The following ACBD7 variants were observed in gnomAD, a reference collection of about 807,000 sequenced individuals.
ACBD7 encodes acyl-CoA-binding domain-containing protein 7.
A neutral mutation model predicts 13.7 loss-of-function variants in ACBD7; 11 were observed. The ratio of observed to expected loss-of-function variants is 0.80; its 90% CI spans 0.50 to 1.33. The LOEUF (loss-of-function observed/expected upper bound fraction) is 1.33, where lower values mean the gene tolerates loss of function less well. Among genes scored for constraint, ACBD7 ranks in the 40% most tolerant of loss-of-function variants. The probability of loss-of-function intolerance (pLI) is 0.00; values close to 1 mark genes in which losing one functional copy is unlikely to be tolerated. For synonymous variants in ACBD7, 43 were observed against 37.7 expected (o/e 1.14, Z -0.51); for missense variants, 111 against 103.0 (o/e 1.08, Z -0.33).
At chr10:15,082,117 T>A (rs1263616054) in intron 1 of ACBD7, among the ~76,000 whole-genome samples, 1 of 151,806 alleles carries the variant, frequency 6.6e-6, no homozygotes, top group Non-Finnish European at 1.5e-5. Context: ...GAGAAACCCG[T>A]CTCTACTGAA....
At chr10:15,088,475 C>T (rs1844834689) in intron 1 of ACBD7, 2 of 565,714 alleles carry the variant, frequency 3.5e-6, no homozygotes, top group Non-Finnish European at 3.0e-6. Flanking sequence ...GCGCTCCTGC[C>T]TTGCCTGCTT....
chr10:15,079,417 G>A (rs903638535), intron 1 of ACBD7, among the ~76,000 whole-genome samples: 2 of 151,742 alleles, frequency 1.3e-5, no homozygotes, highest in Non-Finnish European at 2.9e-5. Flanking sequence ...TGGGACTACA[G>A]GGGTGCACCA....
rs1407381679 is a variant in ACBD7 at position 15,076,754 on chromosome 10, C to T, written c.*1776G>A. The T allele has an allele frequency of 6.2e-6, 6 of 974,342 alleles. No individual in the cohort carries two copies. Among genetic ancestry groups the T allele is most frequent in the South Asian group, 4.7e-5 (1 of 21,060 alleles). The allele number at this position is 974,342 out of a possible 1,614,324, so 60.4% of individuals were successfully genotyped here. On this transcript the variant is annotated 3_prime_UTR_variant, in exon 4 of 4. Coordinates refer to ENST00000356189, the MANE Select transcript of ACBD7 (RefSeq NM_001039844.3). ...TCTGACCTCAGTAATCCACCTACCT[C>T]GGCCTCCCAAAGTGCTGAGATTAGA...
chr10:15,078,450 A>T lies in ACBD7; in HGVS notation c.*80T>A. On this transcript the variant is annotated 3_prime_UTR_variant, in exon 4 of 4. Coordinates refer to ENST00000356189, the MANE Select transcript of ACBD7 (RefSeq NM_001039844.3). ...AATATACATGATACATCAAGTTAAC[A>T]GTATGCCTCTCCCTCTAAATGTTAG... The T allele has an allele frequency of 6.2e-7, 1 of 1,606,544 alleles. No individual in the cohort carries two copies. Among genetic ancestry groups the T allele is most frequent in the Non-Finnish European group, 8.5e-7 (1 of 1,177,000 alleles).
Position 15,076,250 on chromosome 10 carries a change from T to A in ACBD7, c.*2280A>T, listed in dbSNP as rs1844680261. 2.0e-6 allele frequency: 2 copies of A among 985,346 alleles called. No homozygotes were observed. Among genetic ancestry groups the A allele is most frequent in the Non-Finnish European group, 2.4e-6 (2 of 829,924 alleles). 61.0% of individuals were successfully genotyped at this position (985,346 alleles called of 1,614,324 possible). On this transcript the variant is annotated 3_prime_UTR_variant, in exon 4 of 4. Transcript: ENST00000356189. Reference sequence around the variant, plus strand: ...CAAACAATTTTTTGAATTGTTAACATGAGACTGTCTTCTTTCAAAGAGCCT... The same window carrying A: ...CAAACAATTTTTTGAATTGTTAACAAGAGACTGTCTTCTTTCAAAGAGCCT...
chr10:15,079,133 A>G, intron 1 of ACBD7, 93 bp from the exon 2 acceptor site: 8 of 687,468 alleles, frequency 1.2e-5, no homozygotes, highest in Non-Finnish European at 1.2e-5. Context: ...CCAAGTAGAA[A>G]TGAACTTCTG....
rs1473809882 is a variant in ACBD7 at position 15,076,999 on chromosome 10, A to C, written c.*1531T>G. ...TACACTATTGGTGGGAATGTAAATT[A>C]GTACAACCTCTATGAAAAACAGCAC... On this transcript the variant is annotated 3_prime_UTR_variant, in exon 4 of 4. Transcript: ENST00000356189. The C allele has an allele frequency of 4.4e-6, 4 of 902,840 alleles. No homozygotes were observed. The highest frequency in any genetic ancestry group is 1.2e-4 in the East Asian group (1 of 8,414). The allele number at this position is 902,840 out of a possible 1,614,324, so 55.9% of individuals were successfully genotyped here.
intron 1 of ACBD7, among the ~76,000 whole-genome samples, chr10:15,082,902 G>A (rs1844765938): frequency 6.6e-6 from 1 of 152,062 alleles, no homozygotes; most frequent in African/African-American, 2.4e-5. Context: ...GCTGGGCACG[G>A]TGCCTCACAC....
chr10:15,087,811 TA>T (rs747172396), intron 1 of ACBD7, among the ~76,000 whole-genome samples: 2,536 of 130,428 alleles, frequency 0.019, 15 homozygotes, highest in African/African-American at 0.026. Context: ...GACTCCATCT[TA>T]AAAAAAAAAA....
At chr10:15,082,398 T>C (rs569014631) in intron 1 of ACBD7, among the ~76,000 whole-genome samples, 7 of 152,152 alleles carry the variant, frequency 4.6e-5, no homozygotes, top group African/African-American at 1.7e-4. Flanking sequence ...TTGTAAGTAG[T>C]ATAGAAAAAA....
Position 15,076,525 on chromosome 10 carries a change from C to T in ACBD7, c.*2005G>A, listed in dbSNP as rs865830232. On this transcript the variant is annotated 3_prime_UTR_variant, in exon 4 of 4. Transcript: ENST00000356189. Reference sequence around the variant, plus strand: ...GTAATTTTTTTTTTTTTTTTTGAGACGGAGTCTTGTTTTGTCGCCCAGGCT... The same window carrying T: ...GTAATTTTTTTTTTTTTTTTTGAGATGGAGTCTTGTTTTGTCGCCCAGGCT... 38 of 827,148 alleles carry T rather than the reference C, an allele frequency of 4.6e-5. No homozygotes were observed. Among genetic ancestry groups the T allele is most frequent in the African/African-American group, 6.1e-5 (3 of 48,960 alleles). 51.2% of individuals were successfully genotyped at this position (827,148 alleles called of 1,614,324 possible).
chr10:15,087,354 G>A (rs1844821490), intron 1 of ACBD7, among the ~76,000 whole-genome samples: 1 of 152,224 alleles, frequency 6.6e-6, no homozygotes, highest in Admixed American at 6.5e-5. Context: ...CTAAGTAGAA[G>A]TGAGGCACAC....
intron 1 of ACBD7, chr10:15,088,467 G>C (rs1844834538): frequency 1.8e-6 from 1 of 541,272 alleles, no homozygotes; most frequent in Admixed American, 4.0e-5. Context: ...GCTCCCCGGC[G>C]CTCCTGCCTT....
chr10:15,076,359 G>T lies in ACBD7; in HGVS notation c.*2171C>A. On this transcript the variant is annotated 3_prime_UTR_variant, in exon 4 of 4. Coordinates refer to ENST00000356189, the MANE Select transcript of ACBD7 (RefSeq NM_001039844.3). Reference sequence around the variant, plus strand: ...ACTCAGATAGAACTGAACATATGGGGTACAGTAGTGGTACAGTTTATCACT... The same window carrying T: ...ACTCAGATAGAACTGAACATATGGGTTACAGTAGTGGTACAGTTTATCACT... 4.1e-6 allele frequency: 4 copies of T among 985,202 alleles called. No individual in the cohort carries two copies. The highest frequency in any genetic ancestry group is 4.8e-6 in the Non-Finnish European group (4 of 829,846). 61.0% of individuals were successfully genotyped at this position (985,202 alleles called of 1,614,324 possible).
chr10:15,087,912 T>C (rs1844827922), intron 1 of ACBD7, among the ~76,000 whole-genome samples: 1 of 151,776 alleles, frequency 6.6e-6, no homozygotes, highest in Non-Finnish European at 1.5e-5. Context: ...CGCTTACACC[T>C]GGGAGGTGGA....
At chr10:15,078,829 T>C in intron 2 of ACBD7, 76 bp from the exon 3 acceptor site, 1 of 1,388,252 alleles carries the variant, frequency 7.2e-7, no homozygotes, top group Non-Finnish European at 9.7e-7. Flanking sequence ...TCAAACGGAG[T>C]ATATTACTAT....
rs1417894570 is a variant in ACBD7, at chr10:15,075,878, A to G, written c.*2652T>C. Among the ~76,000 whole-genome samples the G allele has an allele frequency of 6.1e-5, 9 of 148,276 alleles. No homozygotes were observed. Among genetic ancestry groups the G allele is most frequent in the Non-Finnish European group, 1.2e-4 (8 of 67,086 alleles). ...AGTCCCAGCTACTCTGGAGGCTGAG[A>G]TGGGAGGATTGCTTGACCCTGGGAG... On this transcript the variant is annotated 3_prime_UTR_variant, in exon 4 of 4. Coordinates refer to ENST00000356189, the MANE Select transcript of ACBD7 (RefSeq NM_001039844.3).
At position 15,078,752 on chromosome 10, in the gene ACBD7, C is replaced by G; in HGVS notation, c.132G>C (p.Ala44=). ...KQAIVGDINI[A]CPGMLDLKGK... ...CTTTTAAATCTAGCATTCCTGGACACGCTGGCAAAAGAAGGAGACATGCAT... is the reference window on the plus strand; with the variant it reads ...CTTTTAAATCTAGCATTCCTGGACAGGCTGGCAAAAGAAGGAGACATGCAT... The change falls in exon 3 of 4, where the codon GCG becomes GCC. Residue 44 remains alanine (A), a splice_region_variant and synonymous_variant. Coordinates refer to ENST00000356189, the MANE Select transcript of ACBD7 (RefSeq NM_001039844.3). 2 of 1,613,630 alleles carry G rather than the reference C, an allele frequency of 1.2e-6. No homozygotes were observed. Among genetic ancestry groups the G allele is most frequent in the South Asian group, 1.1e-5 (1 of 91,014 alleles).
rs931419848 is a variant in ACBD7, at chr10:15,077,026, G to A, written c.*1504C>T. ...TACAACCTCTATGAAAAACAGCACG[G>A]AAATTTCTCATGGAACTAAAAATAG... On this transcript the variant is annotated 3_prime_UTR_variant, in exon 4 of 4. Transcript: ENST00000356189. The A allele has an allele frequency of 4.9e-5, 36 of 737,452 alleles. No homozygotes were observed. Among genetic ancestry groups the A allele is most frequent in the Non-Finnish European group, 5.6e-5 (34 of 603,740 alleles). 45.7% of individuals were successfully genotyped at this position (737,452 alleles called of 1,614,324 possible).
Sources: allele counts gnomAD v4.1 joint callset (sites outside exome capture counted in the v4.1 genomes callset), GRCh38; gene constraint gnomAD v4.1.1; transcripts MANE v1.5; gene names NCBI Gene and HGNC (gene_info 2026-07-23, HGNC 2026-07-21).